Variants in MAP2K1 observed in about 807,000 individuals in gnomAD.
MAP2K1 encodes dual specificity mitogen-activated protein kinase kinase 1.
MAP2K1 carries 16 observed loss-of-function variants against 46.3 expected under a neutral mutation model. That is an observed-to-expected ratio of 0.35 (90% CI 0.23 to 0.52). MAP2K1 has a LOEUF of 0.52. Among genes scored for constraint, MAP2K1 ranks in the 20% least tolerant of loss-of-function variants. The pLI is 0.94. For synonymous variants in MAP2K1, 183 were observed against 185.6 expected (o/e 0.99, Z 0.11); for missense variants, 263 against 497.1 (o/e 0.53, Z 4.48).
At chr15:66,389,060 C>G (rs549147563) in intron 1 of MAP2K1, among the ~76,000 whole-genome samples, 3 of 152,156 alleles carry the variant, frequency 2.0e-5, no homozygotes, top group African/African-American at 7.2e-5. Context: ...GCATGCGCCA[C>G]CATGCCCGGC....
At chr15:66,444,455 C>T (rs1595865753) in intron 4 of MAP2K1, among the ~76,000 whole-genome samples, 1 of 152,028 alleles carries the variant, frequency 6.6e-6, no homozygotes, top group East Asian at 1.9e-4. Context: ...ATCACTTGAA[C>T]CCGGGAGGTG....
chr15:66,388,174 A>G (rs1288018219), intron 1 of MAP2K1, among the ~76,000 whole-genome samples: 1 of 152,188 alleles, frequency 6.6e-6, no homozygotes, highest in Non-Finnish European at 1.5e-5. Flanking sequence ...ACCACATGCT[A>G]GGTGCTCCAT....
intron 5 of MAP2K1, among the ~76,000 whole-genome samples, chr15:66,468,294 A>C (rs1444470201): frequency 6.6e-6 from 1 of 152,146 alleles, no homozygotes; most frequent in Non-Finnish European, 1.5e-5. Flanking sequence ...CTTCTGTCTA[A>C]GACTTGCAAA....
chr15:66,452,362 T>C (rs1294668030), intron 5 of MAP2K1, among the ~76,000 whole-genome samples: 4 of 151,186 alleles, frequency 2.6e-5, no homozygotes. Context: ...GGCTGCCATC[T>C]TGTCTTCTTT....
intron 1 of MAP2K1, among the ~76,000 whole-genome samples, chr15:66,404,179 C>T (rs922331180): frequency 6.6e-5 from 10 of 152,150 alleles, no homozygotes; most frequent in Admixed American, 2.0e-4. Flanking sequence ...GGAAAGGTAC[C>T]GTTCACTAAA....
At chr15:66,413,732 A>G (rs1326842477) in intron 1 of MAP2K1, among the ~76,000 whole-genome samples, 6 of 152,150 alleles carry the variant, frequency 3.9e-5, no homozygotes, top group South Asian at 2.1e-4. Flanking sequence ...ATGTAATTGC[A>G]AGGCATTGTG....
chr15:66,482,050 G>T (rs750243519), intron 6 of MAP2K1, among the ~76,000 whole-genome samples, 171 bp downstream of exon 6: 7 of 152,078 alleles, frequency 4.6e-5, no homozygotes, highest in Admixed American at 1.3e-4. Context: ...AGATGGTCTT[G>T]GTCTTTCTTA....
chr15:66,488,412 ACG>A (rs1252216405), intron 8 of MAP2K1, among the ~76,000 whole-genome samples: 1 of 152,122 alleles, frequency 6.6e-6, no homozygotes, highest in Non-Finnish European at 1.5e-5. Flanking sequence ...CAAATTAAAA[ACG>A]AGATTTTGGG....
intron 1 of MAP2K1, among the ~76,000 whole-genome samples, chr15:66,424,511 C>CT (rs1007218990): frequency 2.4e-4 from 36 of 152,292 alleles, no homozygotes; most frequent in African/African-American, 7.5e-4. Flanking sequence ...TTTGGGCTTT[C>CT]TTTTTAATAT....
At chr15:66,392,610 A>G (rs1242818118) in intron 1 of MAP2K1, among the ~76,000 whole-genome samples, 1 of 148,896 alleles carries the variant, frequency 6.7e-6, no homozygotes, top group African/African-American at 2.5e-5. Context: ...CTGGAGTGCA[A>G]TGGCATGATC....
chr15:66,475,412 C>T (rs947014355), intron 5 of MAP2K1, among the ~76,000 whole-genome samples: 1 of 152,128 alleles, frequency 6.6e-6, no homozygotes, highest in African/African-American at 2.4e-5. Context: ...CACAGATGAG[C>T]AAGAATCCAG....
At chr15:66,453,328 G>A (rs1245856960) in intron 5 of MAP2K1, 5 of 566,020 alleles carry the variant, frequency 8.8e-6, no homozygotes, top group African/African-American at 1.9e-5. Flanking sequence ...GAGCCAGATG[G>A]GTCTCTGAAC....
intron 1 of MAP2K1, 35 bp downstream of exon 1, chr15:66,387,462 G>GGCTGGGGAGGCCCGA (rs2140511870): frequency 6.5e-7 from 1 of 1,543,768 alleles, no homozygotes; most frequent in East Asian, 2.4e-5. Flanking sequence ...CTCGGGGCCC[G>GGCTGGGGAGGCCCGA]GCTGGGGAGG....
intron 1 of MAP2K1, among the ~76,000 whole-genome samples, chr15:66,404,599 A>G (rs1450033523): frequency 1.3e-5 from 2 of 152,216 alleles, no homozygotes; most frequent in African/African-American, 4.8e-5. Context: ...AAGCATTTCC[A>G]GTTAAAAAGG....
intron 1 of MAP2K1, among the ~76,000 whole-genome samples, chr15:66,423,874 T>C (rs2093450186): frequency 6.6e-6 from 1 of 152,092 alleles, no homozygotes; most frequent in Non-Finnish European, 1.5e-5. Context: ...CCCAAAGTGC[T>C]GGGATTACAG....
chr15:66,474,546 C>G (rs75260631), intron 5 of MAP2K1, among the ~76,000 whole-genome samples: 1 of 152,286 alleles, frequency 6.6e-6, no homozygotes, highest in African/African-American at 2.4e-5. Context: ...ATTCCTTCCC[C>G]GGCCACAGCT....
intron 5 of MAP2K1, among the ~76,000 whole-genome samples, chr15:66,456,477 G>A (rs1227879536): frequency 1.3e-5 from 2 of 152,164 alleles, no homozygotes; most frequent in South Asian, 2.1e-4. Context: ...TGAAATGATG[G>A]CCTCAGGTCA....
Position 66,491,000 on chromosome 15 carries a change from T to C in MAP2K1, c.*385T>C. On this transcript the variant is annotated 3_prime_UTR_variant, in exon 11 of 11. Transcript: ENST00000307102. The stretch of plus-strand genomic sequence containing the variant: ...GATTCTTTGACATTTGGTGGTACTT[T>C]ATTCTTGCTGGGCATACTTTCTCTC... The C allele has an allele frequency of 4.7e-6, 2 of 427,524 alleles. No homozygotes were observed. The highest frequency in any genetic ancestry group is 4.6e-5 in the South Asian group (2 of 43,920). The allele number at this position is 427,524 out of a possible 1,614,324, so 26.5% of individuals were successfully genotyped here.
At position 66,448,335 on chromosome 15, in the gene MAP2K1, A is replaced by G. The variant is rs1054219536; in HGVS notation, c.568+3628A>G. On this transcript the variant is annotated intron_variant, in intron 5 of 10. Transcript: ENST00000307102. ...AGAATAATGTCTTCAAGGTTCATCC[A>G]TGTTGTATGATGTGCTAGACACTGG... Among the ~76,000 whole-genome samples, 9 of 152,240 alleles carry G rather than the reference A, an allele frequency of 5.9e-5. No individual in the cohort carries two copies. The South Asian group carries it at 6.2e-4, about 11-fold the overall frequency.
Sources: allele counts gnomAD v4.1 joint callset (sites outside exome capture counted in the v4.1 genomes callset), GRCh38; gene constraint gnomAD v4.1.1; transcripts MANE v1.5; gene names NCBI Gene and HGNC (gene_info 2026-07-23, HGNC 2026-07-21).